The following SPAG16 variants were observed in gnomAD, a reference collection of about 807,000 sequenced individuals.
SPAG16 encodes sperm associated antigen 16.
Under a neutral mutation model 80.4 loss-of-function variants are expected in SPAG16, and 86 were observed. That is an observed-to-expected ratio of 1.07 (90% confidence interval 0.90 to 1.28). The LOEUF is 1.28. Ranked by LOEUF, SPAG16 falls within the 50% of genes most tolerant of loss-of-function variation. The pLI is 0.00. For missense variants in SPAG16, 870 were observed against 765.3 expected (o/e 1.14, Z -1.61); for synonymous variants, 294 against 265.9 (o/e 1.11, Z -1.03).
chr2:213,944,993 G>A (rs117820882), intron 12 of SPAG16, among the ~76,000 whole-genome samples: 1,925 of 152,122 alleles, frequency 0.013, 83 homozygotes, highest in East Asian at 0.07. Flanking sequence ...AGCCAAGATC[G>A]TGCCATTGCC....
intron 5 of SPAG16, among the ~76,000 whole-genome samples, chr2:213,336,109 C>G (rs1237895315): frequency 6.6e-6 from 1 of 152,142 alleles, no homozygotes; most frequent in Non-Finnish European, 1.5e-5. Flanking sequence ...CTTTCTCCCC[C>G]AGCCAAAGGA....
chr2:213,897,225 A>G (rs1446592158), intron 11 of SPAG16, among the ~76,000 whole-genome samples: 1 of 152,196 alleles, frequency 6.6e-6, no homozygotes, highest in Non-Finnish European at 1.5e-5. Context: ...AGGTAATACC[A>G]TCATGTATAA....
intron 7 of SPAG16, among the ~76,000 whole-genome samples, chr2:213,354,458 C>T (rs541597875): frequency 1.3e-5 from 2 of 152,290 alleles, no homozygotes; most frequent in African/African-American, 4.8e-5. Flanking sequence ...TGAGGAATCA[C>T]CACACTGTCT....
chr2:213,987,821 TAC>T (rs967061451), intron 12 of SPAG16, among the ~76,000 whole-genome samples: 39 of 147,722 alleles, frequency 2.6e-4, no homozygotes, highest in East Asian at 1.8e-3. Flanking sequence ...AATATATATA[TAC>T]ATATTTATAT....
At chr2:213,310,267 C>T (rs1232062986) in intron 4 of SPAG16, 90 bp downstream of exon 4, 3 of 827,684 alleles carry the variant, frequency 3.6e-6, no homozygotes, top group African/African-American at 3.5e-5. Flanking sequence ...TGAAATGACT[C>T]AGCCTATGAA....
intron 10 of SPAG16, among the ~76,000 whole-genome samples, chr2:213,646,139 A>G (rs2062815383): frequency 3.3e-5 from 5 of 152,226 alleles, no homozygotes; most frequent in Admixed American, 2.6e-4. Context: ...GAGGGGTGGC[A>G]TCATGATTCA....
At chr2:213,404,154 T>C (rs1266218277) in intron 9 of SPAG16, among the ~76,000 whole-genome samples, 1 of 152,132 alleles carries the variant, frequency 6.6e-6, no homozygotes, top group Non-Finnish European at 1.5e-5. Flanking sequence ...ATAGATTCAA[T>C]GCCATCCCCA....
intron 15 of SPAG16, among the ~76,000 whole-genome samples, chr2:214,270,415 T>C (rs1021217774): frequency 1.3e-5 from 2 of 152,168 alleles, no homozygotes; most frequent in Non-Finnish European, 2.9e-5. Context: ...GTTGATAAAA[T>C]ACAAAAAGTA....
intron 5 of SPAG16, among the ~76,000 whole-genome samples, chr2:213,332,697 C>T (rs2064161031): frequency 1.3e-5 from 2 of 152,064 alleles, no homozygotes; most frequent in Admixed American, 6.5e-5. Flanking sequence ...GGAATTATTC[C>T]AGGGATGCAA....
intron 15 of SPAG16, among the ~76,000 whole-genome samples, chr2:214,153,508 G>A (rs566847949): frequency 7.2e-4 from 110 of 151,740 alleles, no homozygotes; most frequent in African/African-American, 2.1e-3. Context: ...CTCTTGCCTC[G>A]GCGCCTGGGT....
chr2:214,350,455 A>T (rs1698320730), intron 15 of SPAG16, among the ~76,000 whole-genome samples: 1 of 152,220 alleles, frequency 6.6e-6, no homozygotes, highest in Admixed American at 6.5e-5. Flanking sequence ...AAGCCTAGTA[A>T]ACAGGCTTTA....
At chr2:213,437,657 C>T (rs755903059) in intron 9 of SPAG16, among the ~76,000 whole-genome samples, 1 of 152,110 alleles carries the variant, frequency 6.6e-6, no homozygotes, top group Non-Finnish European at 1.5e-5. Flanking sequence ...ACTTTTTACC[C>T]CAATCCCACA....
At chr2:213,429,264 T>G (rs1305774409) in intron 9 of SPAG16, among the ~76,000 whole-genome samples, 1 of 152,126 alleles carries the variant, frequency 6.6e-6, no homozygotes, top group Non-Finnish European at 1.5e-5. Context: ...CCGTTGCTCC[T>G]GAATTCCCAC....
intron 15 of SPAG16, among the ~76,000 whole-genome samples, chr2:214,359,573 T>C (rs910009301): frequency 1.2e-4 from 18 of 151,918 alleles, no homozygotes; most frequent in African/African-American, 4.3e-4. Context: ...TCTTCATCAA[T>C]TGCAGATGAA....
chr2:213,507,920 C>A (rs2075034570), intron 10 of SPAG16, among the ~76,000 whole-genome samples: 1 of 152,134 alleles, frequency 6.6e-6, no homozygotes, highest in Non-Finnish European at 1.5e-5. Flanking sequence ...TAAGAGACAG[C>A]AGTTTTATGT....
At chr2:213,892,482 C>A (rs1479909725) in intron 11 of SPAG16, among the ~76,000 whole-genome samples, 1 of 151,970 alleles carries the variant, frequency 6.6e-6, no homozygotes, top group Non-Finnish European at 1.5e-5. Context: ...TAAGTGACTC[C>A]AATGAGATGG....
chr2:214,133,024 G>A (rs894443002), intron 14 of SPAG16, among the ~76,000 whole-genome samples: 72 of 151,950 alleles, frequency 4.7e-4, no homozygotes, highest in African/African-American at 1.7e-3. Context: ...CCTGGGAGGC[G>A]GATGTTGCAG....
chr2:214,017,559 TAA>T (rs1429578843), intron 13 of SPAG16, among the ~76,000 whole-genome samples: 2 of 152,188 alleles, frequency 1.3e-5, no homozygotes, highest in African/African-American at 4.8e-5. Context: ...GCTCTAATTT[TAA>T]AAAGTTTCCT....
Position 214,122,789 on chromosome 2 carries a change from A to C in SPAG16, c.1593+14528A>C, listed in dbSNP as rs1006537877. Among the ~76,000 whole-genome samples, 8 of 151,980 alleles carry C rather than the reference A, an allele frequency of 5.3e-5. No homozygotes were observed. In the East Asian group the frequency reaches 1.3e-3, roughly 26 times the overall value. On this transcript the variant is annotated intron_variant, in intron 14 of 15. Transcript: ENST00000331683. Reference sequence around the variant, plus strand: ...CTGCACCAAGATGATGCATAAGTCAAAACTTTTAGATGTGTGGTGAAAAAC... The same window carrying C: ...CTGCACCAAGATGATGCATAAGTCACAACTTTTAGATGTGTGGTGAAAAAC...
Sources: gnomAD v4.1 joint callset for allele counts (sites outside exome capture counted in the v4.1 genomes callset) on GRCh38, gnomAD v4.1.1 for gene constraint, MANE v1.5 for transcripts, NCBI Gene and HGNC (gene_info 2026-07-23, HGNC 2026-07-21) for gene names.